Variants in AKT3 observed in about 807,000 individuals in gnomAD.
The protein encoded by AKT3 is RAC-gamma serine/threonine-protein kinase.
In AKT3, 15 loss-of-function variants were observed where a neutral mutation model predicts 65.3. That is an observed-to-expected ratio of 0.23 (90% CI 0.15 to 0.35). The LOEUF is 0.35. Among genes scored for constraint, AKT3 ranks in the 10% least tolerant of loss-of-function variants. The pLI, the probability that AKT3 is intolerant of heterozygous loss-of-function variation, is 1.00. For missense variants in AKT3, 243 were observed against 576.5 expected, an observed-to-expected ratio of 0.42 and a Z score of 5.92; for synonymous variants, 206 against 183.8, an observed-to-expected ratio of 1.12 and a Z score of -0.98.
chr1:243,529,917 C>T (rs1671416980), intron 12 of AKT3, among the ~76,000 whole-genome samples: 3 of 151,884 alleles, frequency 2.0e-5, no homozygotes, highest in African/African-American at 7.3e-5. Flanking sequence ...AATATTGATT[C>T]TTCCCAACCA....
chr1:243,767,333 G>T lies in AKT3; in HGVS notation c.47-71617C>A, dbSNP rs187876272. ...AAGGCATAACAGAGTTAAGGCCATT[G>T]GTTATGATAAAAGGAGATAATCAGT... On this transcript the variant is annotated intron_variant, in intron 2 of 13. Coordinates refer to ENST00000673466, the MANE Select transcript of AKT3 (RefSeq NM_005465.7). 2.7e-4 allele frequency among the ~76,000 whole-genome samples: 41 copies of T among 152,180 alleles called. No individual in the cohort carries two copies. In the East Asian group the frequency reaches 7.3e-3, roughly 27 times the overall value.
At chr1:243,570,855 G>T (rs1356297796) in intron 9 of AKT3, among the ~76,000 whole-genome samples, 1 of 152,112 alleles carries the variant, frequency 6.6e-6, no homozygotes, top group Non-Finnish European at 1.5e-5. Flanking sequence ...ATAAACTCAG[G>T]GAGCAGAGAC....
chr1:243,748,774 A>G (rs1255022876), intron 2 of AKT3, among the ~76,000 whole-genome samples: 2 of 152,158 alleles, frequency 1.3e-5, no homozygotes, highest in Admixed American at 6.5e-5. Flanking sequence ...CTGGATAATA[A>G]TTGATCTGCA....
At chr1:243,640,023 C>T (rs578058626) in intron 5 of AKT3, among the ~76,000 whole-genome samples, 102 of 152,250 alleles carry the variant, frequency 6.7e-4, no homozygotes, top group South Asian at 2.3e-3. Flanking sequence ...GAAATGCCTA[C>T]GTTCACTTTC....
At chr1:243,707,487 A>T (rs1351645534) in intron 2 of AKT3, among the ~76,000 whole-genome samples, 1 of 152,154 alleles carries the variant, frequency 6.6e-6, no homozygotes, top group Non-Finnish European at 1.5e-5. Flanking sequence ...ACAACTAACT[A>T]TAGGGCAAAA....
intron 3 of AKT3, among the ~76,000 whole-genome samples, chr1:243,683,292 TC>T (rs2147982281): frequency 6.6e-6 from 1 of 152,300 alleles, no homozygotes; most frequent in South Asian, 2.1e-4. Context: ...CTTATTTCCT[TC>T]TTTTTTCCCC....
intron 8 of AKT3, among the ~76,000 whole-genome samples, chr1:243,574,796 C>G (rs1674821935): frequency 6.6e-6 from 1 of 152,046 alleles, no homozygotes; most frequent in Non-Finnish European, 1.5e-5. Context: ...CGTGTGATCT[C>G]TATGTGGAGT....
At chr1:243,626,773 A>C (rs141124306) in intron 6 of AKT3, among the ~76,000 whole-genome samples, 1 of 152,218 alleles carries the variant, frequency 6.6e-6, no homozygotes, top group Non-Finnish European at 1.5e-5. Flanking sequence ...ATTAAATTAA[A>C]ATTTGGATGA....
intron 4 of AKT3, among the ~76,000 whole-genome samples, chr1:243,648,273 A>G (rs933813382): frequency 1.8e-4 from 28 of 152,048 alleles, no homozygotes; most frequent in Admixed American, 1.7e-3. Context: ...AAAAAAAAGA[A>G]AAGAAAAGAA....
In AKT3 at chr1:243,649,721, T is replaced by A. The variant is rs181468268; in HGVS notation, c.285-3684A>T. ...GAATGATGGTTTCCAGCTTCATCCA[T>A]GTGCCTGCAAAGGACATGAACTCAT... On this transcript the variant is annotated intron_variant, in intron 4 of 13. Transcript: ENST00000673466. 1.5e-3 allele frequency among the ~76,000 whole-genome samples: 223 copies of A among 152,304 alleles called. 1 individual carries two copies. Among genetic ancestry groups the A allele is most frequent in the Admixed American group, 0.011 (164 of 15,290 alleles).
At chr1:243,545,179 A>C (rs1344049656) in intron 12 of AKT3, among the ~76,000 whole-genome samples, 1 of 152,254 alleles carries the variant, frequency 6.6e-6, no homozygotes, top group Non-Finnish European at 1.5e-5. Context: ...ACATAAGGGC[A>C]AATTAAAAAA....
At chr1:243,561,143 T>C (rs1309690429) in intron 10 of AKT3, among the ~76,000 whole-genome samples, 2 of 152,146 alleles carry the variant, frequency 1.3e-5, no homozygotes, top group Non-Finnish European at 2.9e-5. Flanking sequence ...AAATTTATTG[T>C]ATTTTAAATA....
intron 2 of AKT3, among the ~76,000 whole-genome samples, chr1:243,821,742 A>G (rs1693865312): frequency 6.6e-6 from 1 of 152,256 alleles, no homozygotes; most frequent in African/African-American, 2.4e-5. Context: ...CATCCTAAAT[A>G]TATATGCATC....
chr1:243,538,305 T>C (rs962429905), intron 12 of AKT3, among the ~76,000 whole-genome samples: 5 of 148,616 alleles, frequency 3.4e-5, no homozygotes, highest in Non-Finnish European at 7.5e-5. Context: ...AAAACAGACA[T>C]ACAAGAAGAC....
intron 13 of AKT3, among the ~76,000 whole-genome samples, chr1:243,508,971 C>G (rs1050810350): frequency 6.6e-6 from 1 of 152,130 alleles, no homozygotes; most frequent in African/African-American, 2.4e-5. Flanking sequence ...TGCGCCTAGA[C>G]AAAAGCCAGA....
At chr1:243,698,928 A>G (rs1685237930) in intron 2 of AKT3, among the ~76,000 whole-genome samples, 1 of 151,270 alleles carries the variant, frequency 6.6e-6, no homozygotes, top group African/African-American at 2.4e-5. Flanking sequence ...AAAAAAAAAA[A>G]GACAACTTAA....
chr1:243,842,874 A>C (rs966521790), intron 2 of AKT3, among the ~76,000 whole-genome samples: 2 of 152,230 alleles, frequency 1.3e-5, no homozygotes, highest in African/African-American at 2.4e-5. Flanking sequence ...CACTTTCTGT[A>C]ACACGCTACA....
At chr1:243,613,619 T>A in intron 8 of AKT3, 52 bp downstream of exon 8, 1 of 1,362,438 alleles carries the variant, frequency 7.3e-7, no homozygotes, top group South Asian at 1.5e-5. Context: ...GTAATGTTTT[T>A]AAAATAATGA....
chr1:243,763,115 A>G (rs950214935), intron 2 of AKT3, among the ~76,000 whole-genome samples: 1 of 152,040 alleles, frequency 6.6e-6, no homozygotes, highest in Non-Finnish European at 1.5e-5. Flanking sequence ...AACTAAAACC[A>G]ATTTCTAAAT....
Sources: allele counts gnomAD v4.1 joint callset (sites outside exome capture counted in the v4.1 genomes callset), GRCh38; gene constraint gnomAD v4.1.1; transcripts MANE v1.5; gene names NCBI Gene and HGNC (gene_info 2026-07-23, HGNC 2026-07-21).